Variants in MYBPC1 observed in about 807,000 individuals in gnomAD.
MYBPC1 encodes myosin binding protein C1, also known as myosin-binding protein C, slow-type.
Under a neutral mutation model 147.1 loss-of-function variants are expected in MYBPC1, and 52 were observed. That is an observed-to-expected ratio of 0.35 (90% confidence interval 0.28 to 0.45). The LOEUF is 0.45. Among genes scored for constraint, MYBPC1 ranks in the 20% least tolerant of loss-of-function variants. MYBPC1 has a pLI of 1.00. For synonymous variants in MYBPC1, 477 were observed against 475.9 expected, an observed-to-expected ratio of 1.00 and a Z score of -0.03; for missense variants, 1,228 against 1,440.3, an observed-to-expected ratio of 0.85 and a Z score of 2.39.
At chr12:101,618,348 T>C (rs1015305152) in intron 3 of MYBPC1, among the ~76,000 whole-genome samples, 1 of 152,218 alleles carries the variant, frequency 6.6e-6, no homozygotes, top group African/African-American at 2.4e-5. Flanking sequence ...ACATGAATAC[T>C]AATCCTGGCC....
At chr12:101,642,676 C>T (rs1892316122) in intron 11 of MYBPC1, 91 bp downstream of exon 11, 1 of 1,441,978 alleles carries the variant, frequency 6.9e-7, no homozygotes, top group Admixed American at 2.0e-5. Context: ...TCCTTCCAGT[C>T]TCCCGCGGGG....
intron 30 of MYBPC1, 80 bp downstream of exon 30, chr12:101,682,742 G>T: frequency 7.6e-7 from 1 of 1,318,474 alleles, no homozygotes; most frequent in Non-Finnish European, 1.1e-6. Context: ...TGCATGTAAA[G>T]CTTGACTTTC....
intron 22 of MYBPC1, chr12:101,666,636 T>A: frequency 9.1e-7 from 1 of 1,099,280 alleles, no homozygotes; most frequent in Non-Finnish European, 1.4e-6. Flanking sequence ...ACAAATCTCT[T>A]TGCACACTTT....
rs192179599 is a variant in MYBPC1, at chr12:101,638,539, T to G, written c.665+1811T>G. Among the ~76,000 whole-genome samples the G allele has an allele frequency of 2.0e-3, 305 of 152,356 alleles. 1 individual carries two copies. Among genetic ancestry groups the G allele is most frequent in the African/African-American group, 7.2e-3 (300 of 41,590 alleles). ...GTTCACAGTAGGTGGCAAATAAATA[T>G]GTACTTCCTCTAAGGAAATGTGTCA... On this transcript the variant is annotated intron_variant, in intron 10 of 31. Coordinates refer to ENST00000361466, the MANE Select transcript of MYBPC1 (RefSeq NM_002465.4).
chr12:101,614,558 G>A lies in MYBPC1; in HGVS notation c.61+27G>A, dbSNP rs372192510. 32 of 1,611,572 alleles carry A rather than the reference G, an allele frequency of 2.0e-5. No homozygotes were observed. The East Asian group carries it at 2.9e-4, about 15-fold the overall frequency. On this transcript the variant is annotated intron_variant, in intron 2 of 31. Coordinates refer to ENST00000361466, the MANE Select transcript of MYBPC1 (RefSeq NM_002465.4). ...TGAGTAAAAACACTCACTCACACAC[G>A]TTTGGGCTGCAAATACAGAGGGTCC...
intron 1 of MYBPC1, among the ~76,000 whole-genome samples, chr12:101,610,299 A>C (rs923234526): frequency 1.3e-5 from 2 of 152,220 alleles, no homozygotes; most frequent in Non-Finnish European, 2.9e-5. Flanking sequence ...ACTTATCTGC[A>C]GTGTAAAAAC....
At position 101,616,129 on chromosome 12, in the gene MYBPC1, C is replaced by T. The variant is rs551945785; in HGVS notation, c.62-1073C>T. ...AGTATAGAGAAGTATTACTATGTGT[C>T]GAAATGAACGAAAACTGGCTCAGTG... On this transcript the variant is annotated intron_variant, in intron 2 of 31. Transcript: ENST00000361466. Among the ~76,000 whole-genome samples the T allele has an allele frequency of 6.2e-4, 94 of 152,194 alleles. No homozygotes were observed. The South Asian group carries it at 0.014, about 23-fold the overall frequency.
intron 24 of MYBPC1, 97 bp from the exon 25 acceptor site, chr12:101,673,330 C>T (rs1566001684): frequency 7.8e-7 from 1 of 1,281,982 alleles, no homozygotes. Flanking sequence ...CCAGCCCTGC[C>T]TAGAATGGGT....
At chr12:101,624,201 A>G (rs1888040340) in intron 3 of MYBPC1, among the ~76,000 whole-genome samples, 1 of 151,996 alleles carries the variant, frequency 6.6e-6, no homozygotes, top group Admixed American at 6.6e-5. Context: ...CCAGTAAATC[A>G]CCTCTTGGAT....
intron 3 of MYBPC1, among the ~76,000 whole-genome samples, chr12:101,618,497 T>A (rs767017979): frequency 6.6e-6 from 1 of 152,214 alleles, no homozygotes; most frequent in Non-Finnish European, 1.5e-5. Flanking sequence ...ACAAGGCCAA[T>A]GGGCATACAC....
chr12:101,653,159 G>A lies in MYBPC1; in HGVS notation c.1678G>A (p.Val560Met). 1 of 1,614,080 alleles carries A rather than the reference G, an allele frequency of 6.2e-7. No individual in the cohort carries two copies. The highest frequency in any genetic ancestry group is 8.5e-7 in the Non-Finnish European group (1 of 1,179,976). Residue 560 changes from valine to methionine, a missense_variant, in exon 18 of 32, where the codon GTG (valine) becomes ATG (methionine). Physicochemically the swap from Val to Met is conservative, Grantham distance 21 (BLOSUM62 1). This residue lies in a region of MYBPC1 where 1,077 missense variants were observed against 1,314.2 expected (regional missense o/e 0.82). Coordinates refer to ENST00000361466, the MANE Select transcript of MYBPC1 (RefSeq NM_002465.4). ...GGATGGTCTTGATGCTGACAACACA[G>A]TGACAGTGATTGCAGGAAACAAGCT... ...ILDGLDADNT[V>M]TVIAGNKLRL...
intron 1 of MYBPC1, among the ~76,000 whole-genome samples, chr12:101,614,173 G>A (rs1405142483): frequency 2.6e-5 from 4 of 152,138 alleles, no homozygotes; most frequent in Non-Finnish European, 5.9e-5. Context: ...CCTCTGGAGG[G>A]GATAACTAAG....
chr12:101,603,655 T>A (rs978092469), intron 1 of MYBPC1, among the ~76,000 whole-genome samples: 1 of 152,184 alleles, frequency 6.6e-6, no homozygotes, highest in African/African-American at 2.4e-5. Context: ...AAATAAGTGA[T>A]ACAAGATCAG....
At chr12:101,693,663 C>A in the MYBPC1 span, among the ~76,000 whole-genome samples, 3 of 152,108 alleles carry the variant, frequency 2.0e-5, no homozygotes, top group Admixed American at 6.5e-5. Flanking sequence ...ATCACTTGAA[C>A]CTGGGAAGAG....
At chr12:101,605,391 A>G (rs546437485) in intron 1 of MYBPC1, among the ~76,000 whole-genome samples, 1 of 152,350 alleles carries the variant, frequency 6.6e-6, no homozygotes, top group South Asian at 2.1e-4. Flanking sequence ...GAGATTTGCA[A>G]TAAATTCAAA....
chr12:101,626,995 T>A, intron 4 of MYBPC1, 85 bp downstream of exon 4: 1 of 1,305,580 alleles, frequency 7.7e-7, no homozygotes, highest in Non-Finnish European at 1.1e-6. Flanking sequence ...TGAGCCTCCT[T>A]GCTGAGTCAG....
chr12:101,650,769 T>C (rs61935699), intron 15 of MYBPC1: 47,752 of 219,246 alleles, frequency 0.22, 6,233 homozygotes, highest in Middle Eastern at 0.33. Flanking sequence ...TTAATAAATA[T>C]AATAAATATG....
chr12:101,607,109 C>T (rs1228656876), intron 1 of MYBPC1, among the ~76,000 whole-genome samples: 5 of 152,210 alleles, frequency 3.3e-5, no homozygotes, highest in African/African-American at 1.2e-4. Flanking sequence ...GCGAGAGCCA[C>T]TGCGCCCGGC....
chr12:101,617,479 G>C (rs968191233), intron 3 of MYBPC1, among the ~76,000 whole-genome samples: 4 of 152,216 alleles, frequency 2.6e-5, no homozygotes, highest in African/African-American at 9.6e-5. Flanking sequence ...AGCACTTGTT[G>C]AGATGCCAGC....
Sources: allele counts gnomAD v4.1 joint callset (sites outside exome capture counted in the v4.1 genomes callset), GRCh38; gene constraint gnomAD v4.1.1; regional missense constraint gnomAD v4.1.1; transcripts MANE v1.5; gene names NCBI Gene and HGNC (gene_info 2026-07-23, HGNC 2026-07-21).